The following ARID3B variants were observed in gnomAD, a reference collection of about 807,000 sequenced individuals.
ARID3B encodes the protein AT-rich interactive domain-containing protein 3B.
In ARID3B, 10 loss-of-function variants were observed where a neutral mutation model predicts 51.9. That is an observed-to-expected ratio of 0.19 (90% confidence interval 0.12 to 0.33). The LOEUF (loss-of-function observed/expected upper bound fraction) is 0.33. Ranked by LOEUF, ARID3B falls within the 10% of genes least tolerant of loss-of-function variation. ARID3B has a pLI of 1.00. For synonymous variants in ARID3B, 205 were observed against 279.5 expected, an observed-to-expected ratio of 0.73 and a Z score of 2.66; for missense variants, 483 against 716.3, an observed-to-expected ratio of 0.67 and a Z score of 3.72.
At chr15:74,557,773 C>T (rs2061664135) in intron 2 of ARID3B, among the ~76,000 whole-genome samples, 3 of 148,274 alleles carry the variant, frequency 2.0e-5, no homozygotes, top group Admixed American at 1.3e-4. Context: ...CTTTTTGACT[C>T]TGCTATTCTG....
intron 2 of ARID3B, among the ~76,000 whole-genome samples, chr15:74,551,607 G>A (rs529194567): frequency 4.6e-5 from 7 of 152,072 alleles, no homozygotes; most frequent in Admixed American, 2.0e-4. Flanking sequence ...CCTTTTCCAC[G>A]TTTACGCATC....
intron 2 of ARID3B, among the ~76,000 whole-genome samples, chr15:74,572,233 TTAGATTTTCACTGTTTCTCTAA>T (rs1461826495): frequency 1.3e-5 from 2 of 152,254 alleles, no homozygotes; most frequent in African/African-American, 4.8e-5. Context: ...TAAGTTGGGC[TTAGATTTTCACTGTTTCTCTAA>T]TAAAAATGAA....
At chr15:74,565,828 T>C (rs973903081) in intron 2 of ARID3B, among the ~76,000 whole-genome samples, 4 of 152,112 alleles carry the variant, frequency 2.6e-5, no homozygotes, top group African/African-American at 9.7e-5. Flanking sequence ...TTCTTCTCAT[T>C]GGAAGATTGG....
At chr15:74,595,572 C>T in intron 8 of ARID3B, 39 bp from the exon 9 acceptor site, 1 of 1,597,832 alleles carries the variant, frequency 6.3e-7, no homozygotes, top group South Asian at 1.1e-5. Flanking sequence ...CCCCTTCGCT[C>T]TTCCTCTGCC....
intron 4 of ARID3B, among the ~76,000 whole-genome samples, chr15:74,585,597 A>C (rs889256635): frequency 5.9e-5 from 9 of 152,214 alleles, no homozygotes; most frequent in Non-Finnish European, 1.3e-4. Context: ...CATCAGCAGA[A>C]TTTTTGTTTT....
chr15:74,563,867 AT>A (rs942310855), intron 2 of ARID3B, among the ~76,000 whole-genome samples: 69 of 152,244 alleles, frequency 4.5e-4, no homozygotes, highest in African/African-American at 1.6e-3. Flanking sequence ...AGGAACATCT[AT>A]TTCTGGGAAG....
intron 2 of ARID3B, among the ~76,000 whole-genome samples, chr15:74,547,472 C>T (rs1021959757): frequency 2.0e-5 from 3 of 151,934 alleles, no homozygotes; most frequent in Non-Finnish European, 2.9e-5. Flanking sequence ...CGTGAGCCAC[C>T]GCGCCTACCC....
chr15:74,581,807 G>A (rs1317390731), intron 4 of ARID3B, among the ~76,000 whole-genome samples: 2 of 152,222 alleles, frequency 1.3e-5, no homozygotes, highest in Non-Finnish European at 2.9e-5. Flanking sequence ...TCTAACACAT[G>A]GGAAAATTGA....
chr15:74,552,841 G>T (rs2061643019), intron 2 of ARID3B, among the ~76,000 whole-genome samples: 4 of 152,128 alleles, frequency 2.6e-5, no homozygotes, highest in Admixed American at 2.6e-4. Flanking sequence ...CCTCCTGAAG[G>T]ACGTCTTGGT....
Position 74,597,848 on chromosome 15 carries a change from C to A in ARID3B, c.*2074C>A. 1.9e-6 allele frequency: 1 copy of A among 519,558 alleles called. No homozygotes were observed. 32.2% of individuals were successfully genotyped at this position (519,558 alleles called of 1,614,324 possible). ...CTCAAGGACAACAGCAGGGTGTCAC[C>A]CAGAGCCCGATGAGGGGTGCCAGCA... On this transcript the variant is annotated 3_prime_UTR_variant, in exon 9 of 9. Transcript: ENST00000346246.
intron 4 of ARID3B, chr15:74,574,762 T>C (rs1018556642): frequency 1.3e-5 from 2 of 152,312 alleles, no homozygotes; most frequent in Non-Finnish European, 2.9e-5. Context: ...CCCAGCACTT[T>C]GGGAGGCCAA....
chr15:74,568,841 A>G (rs1033441147), intron 2 of ARID3B, among the ~76,000 whole-genome samples: 3 of 152,200 alleles, frequency 2.0e-5, no homozygotes, highest in Non-Finnish European at 2.9e-5. Context: ...TTTCTGGGCT[A>G]TATAATACTG....
intron 2 of ARID3B, among the ~76,000 whole-genome samples, chr15:74,566,462 G>A (rs995299102): frequency 1.3e-5 from 2 of 151,952 alleles, no homozygotes; most frequent in African/African-American, 2.4e-5. Context: ...AATTAGCTGG[G>A]CATGGTGGCG....
chr15:74,587,416 C>G (rs2061785531), intron 4 of ARID3B, among the ~76,000 whole-genome samples: 1 of 152,190 alleles, frequency 6.6e-6, no homozygotes, highest in African/African-American at 2.4e-5. Context: ...TTCCTGCCTT[C>G]CTGCCTAACT....
At chr15:74,593,685 G>A (rs1358761121) in intron 8 of ARID3B, among the ~76,000 whole-genome samples, 1 of 152,160 alleles carries the variant, frequency 6.6e-6, no homozygotes, top group Non-Finnish European at 1.5e-5. Flanking sequence ...AACCTAATTT[G>A]GCAACAGTGT....
chr15:74,555,258 G>A (rs767951968), intron 2 of ARID3B, among the ~76,000 whole-genome samples: 9 of 152,142 alleles, frequency 5.9e-5, no homozygotes, highest in Non-Finnish European at 1.2e-4. Context: ...TCTAGGTGCT[G>A]GGTACTGAAG....
At chr15:74,592,976 G>A (rs907245462) in intron 7 of ARID3B, among the ~76,000 whole-genome samples, 162 bp from the exon 8 acceptor site, 10 of 152,130 alleles carry the variant, frequency 6.6e-5, no homozygotes, top group African/African-American at 1.9e-4. Flanking sequence ...GGAGATTGGC[G>A]AGCCTGGGAT....
intron 4 of ARID3B, chr15:74,574,333 T>A (rs1426535366): frequency 6.6e-6 from 1 of 152,260 alleles, no homozygotes; most frequent in African/African-American, 2.4e-5. Context: ...CTACTCCCAG[T>A]AGCCTGCTCC....
At chr15:74,593,532 A>C (rs964909703) in intron 8 of ARID3B, among the ~76,000 whole-genome samples, 1 of 152,198 alleles carries the variant, frequency 6.6e-6, no homozygotes, top group Non-Finnish European at 1.5e-5. Context: ...AGGTCTTCTC[A>C]TGCACAGCCT....
Sources: gnomAD v4.1 joint callset for allele counts (sites outside exome capture counted in the v4.1 genomes callset) on GRCh38, gnomAD v4.1.1 for gene constraint, MANE v1.5 for transcripts, NCBI Gene and HGNC (gene_info 2026-07-23, HGNC 2026-07-21) for gene names.